The following CACNA2D1 variants were observed in gnomAD, a reference collection of about 807,000 sequenced individuals.
CACNA2D1 encodes the protein voltage-dependent calcium channel subunit alpha-2/delta-1.
In CACNA2D1, 53 loss-of-function variants were observed where a neutral mutation model predicts 171.5. That is an observed-to-expected ratio of 0.31 (90% CI 0.25 to 0.39). CACNA2D1 has a LOEUF of 0.39. CACNA2D1 is among the 10% of genes least tolerant of loss of function. The pLI is 1.00. For synonymous variants in CACNA2D1, 442 were observed against 443.1 expected, an observed-to-expected ratio of 1.00 and a Z score of 0.03; for missense variants, 903 against 1,299.8, an observed-to-expected ratio of 0.69 and a Z score of 4.69.
intron 3 of CACNA2D1, among the ~76,000 whole-genome samples, chr7:82,306,598 T>C (rs1244176154): frequency 6.6e-6 from 1 of 152,162 alleles, no homozygotes; most frequent in African/African-American, 2.4e-5. Flanking sequence ...TATGCAGAAA[T>C]ACCATCCTTA....
intron 6 of CACNA2D1, among the ~76,000 whole-genome samples, chr7:82,110,290 TTCCATGAGGTC>T (rs1281720725): frequency 1.3e-5 from 2 of 152,132 alleles, no homozygotes; most frequent in Non-Finnish European, 2.9e-5. Flanking sequence ...AGGAGGTAAT[TTCCATGAGGTC>T]ATGAGTGTGG....
chr7:81,971,577 T>C (rs374287815), intron 26 of CACNA2D1, among the ~76,000 whole-genome samples, 200 bp downstream of exon 26: 1 of 151,626 alleles, frequency 6.6e-6, no homozygotes, highest in East Asian at 1.9e-4. Flanking sequence ...GCATGAAAAG[T>C]TGAGTAATAG....
intron 3 of CACNA2D1, among the ~76,000 whole-genome samples, chr7:82,236,436 G>A (rs1391331041): frequency 6.6e-6 from 1 of 151,956 alleles, no homozygotes; most frequent in African/African-American, 2.4e-5. Context: ...CATAACTAAT[G>A]CACAACAACA....
At chr7:82,025,990 T>G (rs768066188) in intron 12 of CACNA2D1, among the ~76,000 whole-genome samples, 1 of 151,686 alleles carries the variant, frequency 6.6e-6, no homozygotes, top group Non-Finnish European at 1.5e-5. Context: ...ATCTTTGTTA[T>G]ATATTATTGC....
At chr7:82,319,524 T>C (rs1055612484) in intron 3 of CACNA2D1, among the ~76,000 whole-genome samples, 1 of 152,216 alleles carries the variant, frequency 6.6e-6, no homozygotes, top group African/African-American at 2.4e-5. Context: ...AAAGAAATGT[T>C]CTGAGCACAT....
At chr7:82,139,945 CTATTATTAT>C (rs4018980) in intron 4 of CACNA2D1, among the ~76,000 whole-genome samples, 19 of 142,956 alleles carry the variant, frequency 1.3e-4, no homozygotes, top group East Asian at 8.2e-4. Context: ...ACACACCTGG[CTATTATTAT>C]TATTATTATT....
At chr7:82,353,043 G>A (rs1333978391) in intron 1 of CACNA2D1, among the ~76,000 whole-genome samples, 1 of 152,182 alleles carries the variant, frequency 6.6e-6, no homozygotes, top group Non-Finnish European at 1.5e-5. Context: ...GTAAATGTAT[G>A]TAAACATGAT....
rs1584506726 is a variant in CACNA2D1 at position 82,039,778 on chromosome 7, A to G, written c.880-1543T>C. On this transcript the variant is annotated intron_variant, in intron 10 of 38. Transcript: ENST00000356860. ...GAACATTCCAAGCAAACAGAACAAC[A>G]TGTGCAAAGGCCCTCACATGGAGAC... 2.6e-5 allele frequency among the ~76,000 whole-genome samples: 4 copies of G among 152,282 alleles called. No homozygotes were observed. In the South Asian group the frequency reaches 8.3e-4, roughly 32 times the overall value.
At chr7:82,096,551 G>C (rs1245679132) in intron 6 of CACNA2D1, among the ~76,000 whole-genome samples, 2 of 150,910 alleles carry the variant, frequency 1.3e-5, no homozygotes, top group Non-Finnish European at 2.9e-5. Context: ...AACTAGCCAT[G>C]GAAATATTAA....
In CACNA2D1 at chr7:81,949,969, G is replaced by A. The variant is rs1362477355; in HGVS notation, c.*423C>T. On this transcript the variant is annotated 3_prime_UTR_variant, in exon 39 of 39. Transcript: ENST00000356860. ...ATTAACTTTTCACAGAAGAAAAAGT[G>A]AAGGCAAAAATAATTTCTTTCCCCT... 1.2e-5 allele frequency: 2 copies of A among 164,268 alleles called. No individual in the cohort carries two copies. The highest frequency in any genetic ancestry group is 3.5e-4 in the East Asian group (2 of 5,794). The allele number at this position is 164,268 out of a possible 1,614,324, so 10.2% of individuals were successfully genotyped here. A position where few individuals can be genotyped will look rare whatever the true frequency, so the allele number is the denominator to read the frequency against.
intron 3 of CACNA2D1, among the ~76,000 whole-genome samples, chr7:82,306,877 C>CAA (rs56102718): frequency 1.5e-5 from 2 of 134,280 alleles, no homozygotes; most frequent in African/African-American, 5.2e-5. Flanking sequence ...CGAAAAAATA[C>CAA]AAAAAAAAAA....
intron 5 of CACNA2D1, among the ~76,000 whole-genome samples, chr7:82,132,733 C>T (rs1177868182): frequency 6.6e-6 from 1 of 152,154 alleles, no homozygotes; most frequent in Non-Finnish European, 1.5e-5. Context: ...AGAGAGGAAT[C>T]AACTTCTGTC....
chr7:82,256,360 T>C (rs1806305670), intron 3 of CACNA2D1, among the ~76,000 whole-genome samples: 1 of 152,166 alleles, frequency 6.6e-6, no homozygotes, highest in Non-Finnish European at 1.5e-5. Context: ...CTCCAAGTTC[T>C]TGTGGAATGA....
rs112280460 is a variant in CACNA2D1 at position 82,191,062 on chromosome 7, C to T, written c.295-20453G>A. On this transcript the variant is annotated intron_variant, in intron 3 of 38. Transcript: ENST00000356860. The stretch of plus-strand genomic sequence containing the variant: ...AAAGGTCTTATGTACAACTCAAGAA[C>T]GTCTATAATCTGTAAAGATTTTAGC... 5.3e-3 allele frequency among the ~76,000 whole-genome samples: 805 copies of T among 151,676 alleles called. 1 individual carries two copies. The highest frequency in any genetic ancestry group is 0.01 in the Middle Eastern group (3 of 292).
In CACNA2D1 at chr7:82,117,217, CAT is replaced by C. The variant is rs141569527; in HGVS notation, c.397-46_397-45del. 3.9e-3 allele frequency: 6,196 copies of C among 1,594,100 alleles called. 204 individuals are homozygous for C. The African/African-American group carries it at 0.071, about 18-fold the overall frequency. On this transcript the variant is annotated intron_variant, in intron 5 of 38. Coordinates refer to ENST00000356860, the MANE Select transcript of CACNA2D1 (RefSeq NM_000722.4). ...AACAGAATATTACAATTTTTGCTAA[CAT>C]AAATATTTTCACATGCACTTCTTTA...
At chr7:82,362,940 T>C (rs1340947139) in intron 1 of CACNA2D1, among the ~76,000 whole-genome samples, 1 of 152,164 alleles carries the variant, frequency 6.6e-6, no homozygotes, top group African/African-American at 2.4e-5. Context: ...AAAACCTTTT[T>C]ATTTAGGCAC....
intron 5 of CACNA2D1, 75 bp from the exon 6 acceptor site, chr7:82,117,248 G>T: frequency 1.4e-5 from 19 of 1,377,542 alleles, no homozygotes; most frequent in Non-Finnish European, 1.8e-5. Flanking sequence ...TTCTTTACTT[G>T]CCAAATGCAT....
chr7:82,159,918 G>T (rs1390772576), intron 4 of CACNA2D1, among the ~76,000 whole-genome samples: 2 of 130,112 alleles, frequency 1.5e-5, no homozygotes, highest in African/African-American at 3.0e-5. Flanking sequence ...GATGAAGAGA[G>T]AACATACACA....
intron 10 of CACNA2D1, among the ~76,000 whole-genome samples, chr7:82,048,748 A>C (rs933820894): frequency 4.6e-5 from 7 of 152,206 alleles, no homozygotes; most frequent in Non-Finnish European, 8.8e-5. Flanking sequence ...CAATTCTCCT[A>C]CATCTATTGC....
Sources: gnomAD v4.1 joint callset for allele counts (sites outside exome capture counted in the v4.1 genomes callset) on GRCh38, gnomAD v4.1.1 for gene constraint, MANE v1.5 for transcripts, NCBI Gene and HGNC (gene_info 2026-07-23, HGNC 2026-07-21) for gene names.